MCTP2: variants seen among roughly 807,000 people sequenced by gnomAD.
The protein encoded by MCTP2 is multiple C2 and transmembrane domain containing 2, also known as multiple C2 and transmembrane domain-containing protein 2.
A neutral mutation model predicts 111.6 loss-of-function variants in MCTP2; 132 were observed. That is an observed-to-expected ratio of 1.18 (90% CI 1.03 to 1.37). MCTP2 has a LOEUF of 1.37. MCTP2 is among the 40% of genes most tolerant of loss of function. The pLI is 0.00. For missense variants in MCTP2, 1,183 were observed against 1,067.9 expected (o/e 1.11, Z -1.50); for synonymous variants, 395 against 387.7 (o/e 1.02, Z -0.22).
intron 17 of MCTP2, among the ~76,000 whole-genome samples, chr15:94,435,445 A>C (rs1334288803): frequency 1.3e-5 from 2 of 151,788 alleles, no homozygotes; most frequent in Non-Finnish European, 2.9e-5. Flanking sequence ...AAAAATTTTT[A>C]TTTTTTAATG....
chr15:94,392,105 C>CTCA lies in MCTP2; in HGVS notation c.1788+6582_1788+6584dup, dbSNP rs1223198239. Among the ~76,000 whole-genome samples the CTCA allele has an allele frequency of 9.9e-5, 15 of 152,262 alleles. 1 individual carries two copies. In the East Asian group the frequency reaches 2.9e-3, roughly 29 times the overall value. Reference sequence around the variant, plus strand: ...GTTATTATAAGGCCAGGCGCGGTGGCTCATGCCTGTAATCCCAGCACTTTG... The same window carrying CTCA: ...GTTATTATAAGGCCAGGCGCGGTGGCTCATCATGCCTGTAATCCCAGCACTTTG... On this transcript the variant is annotated intron_variant, in intron 14 of 22. Coordinates refer to ENST00000357742, the MANE Select transcript of MCTP2 (RefSeq NM_001385001.1).
intron 17 of MCTP2, among the ~76,000 whole-genome samples, chr15:94,410,395 C>G (rs1214183163): frequency 6.6e-6 from 1 of 152,090 alleles, no homozygotes; most frequent in African/African-American, 2.4e-5. Flanking sequence ...AGTTCTCCCT[C>G]AAGGCTATGA....
chr15:94,245,904 A>C (rs567544519), intron 1 of MCTP2, among the ~76,000 whole-genome samples: 22 of 152,116 alleles, frequency 1.4e-4, no homozygotes, highest in Non-Finnish European at 1.9e-4. Context: ...AATGTTTTCT[A>C]GTTTCAAAAA....
At chr15:94,332,266 G>A (rs8039909) in intron 4 of MCTP2, among the ~76,000 whole-genome samples, 7,103 of 151,784 alleles carry the variant, frequency 0.047, 479 homozygotes, top group African/African-American at 0.16. Context: ...TAGAAACAAC[G>A]TTTTTATTTT....
intron 1 of MCTP2, among the ~76,000 whole-genome samples, chr15:94,253,045 C>T (rs1206052082): frequency 6.6e-6 from 1 of 152,130 alleles, no homozygotes. Context: ...CCTCTGCTTC[C>T]CTCAGCTGAC....
intron 17 of MCTP2, among the ~76,000 whole-genome samples, chr15:94,426,268 T>A (rs2082887387): frequency 6.6e-6 from 1 of 152,134 alleles, no homozygotes; most frequent in South Asian, 2.1e-4. Context: ...TCATCCAGTA[T>A]CACTTATAGC....
intron 4 of MCTP2, among the ~76,000 whole-genome samples, chr15:94,330,037 A>G (rs1277958492): frequency 1.3e-5 from 2 of 152,196 alleles, no homozygotes; most frequent in South Asian, 2.1e-4. Context: ...GATGCCACAT[A>G]TGAAAGACCA....
chr15:94,358,635 T>G, intron 10 of MCTP2, 23 bp downstream of exon 10: 1 of 1,611,974 alleles, frequency 6.2e-7, no homozygotes, highest in Non-Finnish European at 8.5e-7. Context: ...TGCTTTCCAG[T>G]GGCGGGAGCA....
chr15:94,353,210 G>T (rs959472053), intron 8 of MCTP2, among the ~76,000 whole-genome samples: 2 of 152,106 alleles, frequency 1.3e-5, no homozygotes, highest in Non-Finnish European at 2.9e-5. Context: ...TAAAAGCTTT[G>T]ATGGAAAGTG....
At chr15:94,384,154 T>C in intron 13 of MCTP2, 30 bp downstream of exon 13, 1 of 1,499,274 alleles carries the variant, frequency 6.7e-7, no homozygotes, top group Non-Finnish European at 9.3e-7. Context: ...GAATTATTTC[T>C]GCTGTGCTTG....
chr15:94,297,917 C>T (rs545437435), intron 1 of MCTP2, among the ~76,000 whole-genome samples: 1 of 151,828 alleles, frequency 6.6e-6, no homozygotes, highest in African/African-American at 2.4e-5. Flanking sequence ...ACAGTTATCT[C>T]TTCATGAAGC....
intron 1 of MCTP2, among the ~76,000 whole-genome samples, chr15:94,242,957 A>G (rs575369489): frequency 9.0e-6 from 1 of 111,140 alleles, no homozygotes; most frequent in Admixed American, 8.6e-5. Flanking sequence ...ATACACATAT[A>G]CACGTGTATA....
At chr15:94,322,532 A>G (rs2076677277) in intron 4 of MCTP2, among the ~76,000 whole-genome samples, 1 of 152,232 alleles carries the variant, frequency 6.6e-6, no homozygotes, top group Admixed American at 6.5e-5. Context: ...GTTTTCCAAT[A>G]TAAATTTATT....
At chr15:94,425,759 C>T (rs1189548828) in intron 17 of MCTP2, among the ~76,000 whole-genome samples, 1 of 152,004 alleles carries the variant, frequency 6.6e-6, no homozygotes, top group Non-Finnish European at 1.5e-5. Context: ...CAATTTTAAA[C>T]TTAAAATGTT....
chr15:94,263,064 T>A (rs2073290661), intron 1 of MCTP2, among the ~76,000 whole-genome samples: 1 of 152,130 alleles, frequency 6.6e-6, no homozygotes, highest in South Asian at 2.1e-4. Context: ...GTGGTATAAA[T>A]GAGAGATTGT....
intron 1 of MCTP2, among the ~76,000 whole-genome samples, chr15:94,235,813 T>C (rs765919590): frequency 5.3e-5 from 8 of 152,188 alleles, no homozygotes; most frequent in Non-Finnish European, 1.2e-4. Flanking sequence ...CCTTCCTCTT[T>C]TATCTTGCCT....
chr15:94,400,064 T>A (rs950894988), intron 16 of MCTP2, 69 bp downstream of exon 16: 3 of 1,331,940 alleles, frequency 2.3e-6, no homozygotes, highest in African/African-American at 2.9e-5. Context: ...TATTAACACT[T>A]GCCTGTAATT....
intron 14 of MCTP2, among the ~76,000 whole-genome samples, chr15:94,386,870 C>T (rs1250099293): frequency 6.6e-6 from 1 of 152,086 alleles, no homozygotes; most frequent in African/African-American, 2.4e-5. Context: ...TGTGTTTGGT[C>T]TTTCTGTACT....
At chr15:94,372,431 T>G (rs1245899689) in intron 12 of MCTP2, among the ~76,000 whole-genome samples, 1 of 152,224 alleles carries the variant, frequency 6.6e-6, no homozygotes, top group Non-Finnish European at 1.5e-5. Context: ...TTATTCCAGA[T>G]AGTTGTAATT....
Sources: allele counts gnomAD v4.1 joint callset (sites outside exome capture counted in the v4.1 genomes callset), GRCh38; gene constraint gnomAD v4.1.1; transcripts MANE v1.5; gene names NCBI Gene and HGNC (gene_info 2026-07-23, HGNC 2026-07-21).